The following ANKRD11 variants were observed in gnomAD, a reference collection of about 807,000 sequenced individuals.
The protein encoded by ANKRD11 is ankyrin repeat domain-containing protein 11.
In ANKRD11, 17 loss-of-function variants were observed where a neutral mutation model predicts 195.7. That is an observed-to-expected ratio of 0.09 (90% CI 0.06 to 0.13). The LOEUF (loss-of-function observed/expected upper bound fraction) is 0.13. ANKRD11 is among the 10% of genes least tolerant of loss of function. The pLI, the probability that ANKRD11 is intolerant of heterozygous loss-of-function variation, is 1.00. For synonymous variants in ANKRD11, 1,953 were observed against 1,528.1 expected, an observed-to-expected ratio of 1.28 and a Z score of -6.49; for missense variants, 3,735 against 3,566.1, an observed-to-expected ratio of 1.05 and a Z score of -1.21.
chr16:89,489,971 AG>A (rs2057765970), intron 1 of ANKRD11, among the ~76,000 whole-genome samples: 2 of 118,270 alleles, frequency 1.7e-5, no homozygotes, highest in Non-Finnish European at 1.8e-5. Context: ...CCCCCCCCGG[AG>A]CCCCCTATGG....
At chr16:89,347,739 TAAAAAAGA>T (rs1369637529) in intron 2 of ANKRD11, among the ~76,000 whole-genome samples, 1 of 152,176 alleles carries the variant, frequency 6.6e-6, no homozygotes, top group East Asian at 1.9e-4. Flanking sequence ...GGTTACTTTT[TAAAAAAGA>T]ATACAAAGAG....
Position 89,316,859 on chromosome 16 carries a change from G to C in ANKRD11, c.87+74C>G, listed in dbSNP as rs9921739. On this transcript the variant is annotated intron_variant, in intron 3 of 12. Transcript: ENST00000301030. ...GGAGGGCGGAGAACAGGCCACAGGC[G>C]GGCAGCACCCCATTCCCACCTCATC... 4 of 1,541,584 alleles carry C rather than the reference G, an allele frequency of 2.6e-6. No individual in the cohort carries two copies. The African/African-American group carries it at 5.5e-5, about 21-fold the overall frequency.
intron 1 of ANKRD11, among the ~76,000 whole-genome samples, chr16:89,429,150 A>G (rs1567792702): frequency 2.0e-5 from 3 of 147,706 alleles, no homozygotes; most frequent in African/African-American, 7.5e-5. Flanking sequence ...TCTCGCGCTC[A>G]GACGTTCTAG....
rs746959012 is a variant in ANKRD11, at chr16:89,281,076, G to A, written c.5466C>T (p.Asp1822=). 1 of 1,609,144 alleles carries A rather than the reference G, an allele frequency of 6.2e-7. No homozygotes were observed. Among genetic ancestry groups the A allele is most frequent in the Admixed American group, 1.7e-5 (1 of 59,716 alleles). The change falls in exon 9 of 13, where the codon GAC becomes GAT. Residue 1822 remains aspartate, a synonymous_variant. Coordinates refer to ENST00000301030, the MANE Select transcript of ANKRD11 (RefSeq NM_013275.6). The surrounding 1 kb of genome is among the most constrained non-coding windows in gnomAD (Gnocchi z 5.5). ...CTTCCATCGAGGGTGGCATGGGAGA[G>A]TCGTAGCTGGAGGCAGCAGGAACGC... The part of the protein sequence containing the change: ...QQSVPAASSY[D]SPMPPSMEDR...
At chr16:89,276,877 G>A (rs1485377818) in intron 9 of ANKRD11, among the ~76,000 whole-genome samples, 1 of 152,024 alleles carries the variant, frequency 6.6e-6, no homozygotes, top group Non-Finnish European at 1.5e-5. Flanking sequence ...CCAACATGGT[G>A]AAACCCTGTC....
chr16:89,284,519 C>T lies in ANKRD11; in HGVS notation c.2023G>A (p.Glu675Lys), dbSNP rs1389352343. 1.2e-6 allele frequency: 2 copies of T among 1,614,098 alleles called. No homozygotes were observed. The highest frequency in any genetic ancestry group is 2.2e-5 in the East Asian group (1 of 44,884). The change falls in exon 9 of 13, where the codon GAG becomes AAG. Residue 675 changes from glutamate to lysine, a missense_variant. By Grantham distance (56) the Glu-to-Lys change is moderately conservative. Coordinates refer to ENST00000301030, the MANE Select transcript of ANKRD11 (RefSeq NM_013275.6). ...TTGTTTTCAGTGGAAAGATCATTCT[C>T]TAACAGTATAGCCTTATCTGACTTC... ...KQKSDKAILL[E>K]NDLSTENKLK... is the part of the protein sequence containing the mutation.
At chr16:89,434,564 G>A (rs1359098363) in intron 1 of ANKRD11, among the ~76,000 whole-genome samples, 3 of 152,306 alleles carry the variant, frequency 2.0e-5, no homozygotes, top group African/African-American at 7.2e-5. Flanking sequence ...AGAAGCATGC[G>A]GCTGGTCAGC....
intron 1 of ANKRD11, among the ~76,000 whole-genome samples, chr16:89,436,162 C>A (rs1454756416): frequency 6.6e-6 from 1 of 152,122 alleles, no homozygotes; most frequent in Non-Finnish European, 1.5e-5. Flanking sequence ...TGCCTGTAAT[C>A]CCAGCACTTT....
chr16:89,451,315 G>C lies in ANKRD11; in HGVS notation c.-144-32947C>G, dbSNP rs963835656. 3.3e-5 allele frequency among the ~76,000 whole-genome samples: 5 copies of C among 152,262 alleles called. No homozygotes were observed. In the East Asian group the frequency reaches 5.8e-4, roughly 18 times the overall value. The stretch of plus-strand genomic sequence containing the variant: ...CAGATAGTAGATTAGTGGCTGCCTG[G>C]GGTGTGAACAGATTAACTGTGAATT... On this transcript the variant is annotated intron_variant, in intron 1 of 12. Coordinates refer to ENST00000301030, the MANE Select transcript of ANKRD11 (RefSeq NM_013275.6).
chr16:89,452,779 CAAA>C (rs11401095), intron 1 of ANKRD11, among the ~76,000 whole-genome samples: 2 of 73,514 alleles, frequency 2.7e-5, no homozygotes, highest in Non-Finnish European at 2.5e-5. Flanking sequence ...GACTCTATCT[CAAA>C]AAAAAAAAAA....
Position 89,288,543 on chromosome 16 carries a change from G to A in ANKRD11, c.729C>T (p.Asn243=). The A allele has an allele frequency of 6.2e-7, 1 of 1,614,170 alleles. No homozygotes were observed. The highest frequency in any genetic ancestry group is 1.1e-5 in the South Asian group (1 of 91,082). The change falls in exon 7 of 13, where the codon AAC becomes AAT. Residue 243 remains asparagine (N), a synonymous_variant. Coordinates refer to ENST00000301030, the MANE Select transcript of ANKRD11 (RefSeq NM_013275.6). ...GGATGCCAACCTTGTAGTGCCCGTT[G>A]TTGGCAGCGTCGTGCAAAGGCGTGT... The part of the protein sequence containing the change: ...DDDTPLHDAA[N]NGHYKVVKLL...
At chr16:89,474,036 G>A (rs1000508374) in intron 1 of ANKRD11, among the ~76,000 whole-genome samples, 4 of 152,128 alleles carry the variant, frequency 2.6e-5, no homozygotes, top group African/African-American at 7.2e-5. Flanking sequence ...CAAGTACAGG[G>A]GGCCTCTAAG....
At chr16:89,368,332 G>T (rs1401883274) in intron 2 of ANKRD11, among the ~76,000 whole-genome samples, 1 of 148,714 alleles carries the variant, frequency 6.7e-6, no homozygotes, top group Admixed American at 6.7e-5. Flanking sequence ...GAATAGCTGG[G>T]ATTACAGGTG....
At chr16:89,319,904 A>G in intron 2 of ANKRD11, 1 of 152,672 alleles carries the variant, frequency 6.5e-6, no homozygotes, top group Non-Finnish European at 1.5e-5. Context: ...TGCCCTGGTG[A>G]TGCCTCTGGC....
chr16:89,415,266 T>C (rs2042249868), intron 2 of ANKRD11, among the ~76,000 whole-genome samples: 1 of 138,554 alleles, frequency 7.2e-6, no homozygotes, highest in Non-Finnish European at 1.6e-5. Flanking sequence ...CTATTCTTTT[T>C]TTTTTTTTTT....
chr16:89,477,014 C>G (rs2057281195), intron 1 of ANKRD11, among the ~76,000 whole-genome samples: 2 of 152,142 alleles, frequency 1.3e-5, no homozygotes, highest in Admixed American at 6.6e-5. Flanking sequence ...AGTGGAAGAC[C>G]ACACCGTGAG....
At chr16:89,286,592 G>T (rs2034664750) in intron 7 of ANKRD11, 2 of 1,104,600 alleles carry the variant, frequency 1.8e-6, no homozygotes, top group South Asian at 1.6e-5. Context: ...GAGGGCTCAG[G>T]CAAGAGGTTA....
At chr16:89,446,457 A>C (rs1445538897) in intron 1 of ANKRD11, among the ~76,000 whole-genome samples, 1 of 152,098 alleles carries the variant, frequency 6.6e-6, no homozygotes, top group Admixed American at 6.6e-5. Context: ...CACAAAACTT[A>C]TCCGGGTGTG....
chr16:89,458,788 C>A (rs536547047), intron 1 of ANKRD11: 2 of 152,394 alleles, frequency 1.3e-5, no homozygotes, highest in South Asian at 4.1e-4. Flanking sequence ...CTGCTGCTGG[C>A]CACTGCGTGC....
Sources: gnomAD v4.1 joint callset for allele counts (sites outside exome capture counted in the v4.1 genomes callset) on GRCh38, gnomAD v4.1.1 for gene constraint, Gnocchi (gnomAD v3.1) non-coding constraint, MANE v1.5 for transcripts, NCBI Gene and HGNC (gene_info 2026-07-23, HGNC 2026-07-21) for gene names.